The following CFDP1 variants were observed in gnomAD, a reference collection of about 807,000 sequenced individuals.
CFDP1 encodes the protein chromatin remodeling protein CFDP1, also known as heterochromatin-stabilizing protein CFDP1.
CFDP1 carries 31 observed loss-of-function variants against 40.1 expected under a neutral mutation model. The observed-to-expected ratio is 0.77, with a 90% CI of 0.58 to 1.04. The LOEUF (loss-of-function observed/expected upper bound fraction) is 1.04, where lower values mean the gene tolerates loss of function less well. Among genes scored for constraint, CFDP1 ranks in the 50% least tolerant of loss-of-function variants. The probability of loss-of-function intolerance (pLI) is 0.00; values close to 1 mark genes in which losing one functional copy is unlikely to be tolerated. For missense variants in CFDP1, 423 were observed against 343.4 expected (o/e 1.23, Z -1.83); for synonymous variants, 167 against 120.0 (o/e 1.39, Z -2.56).
chr16:75,332,870 C>T (rs1032728598), intron 5 of CFDP1, among the ~76,000 whole-genome samples: 1 of 146,652 alleles, frequency 6.8e-6, no homozygotes, highest in Non-Finnish European at 1.5e-5. Flanking sequence ...TACAGTGGCG[C>T]GATCCCAGCT....
At position 75,395,017 on chromosome 16, in the gene CFDP1, C is replaced by T. The variant is rs572331561; in HGVS notation, c.650+73G>A. On this transcript the variant is annotated intron_variant, in intron 5 of 6. Transcript: ENST00000283882. ...CTCAGGCAAGGAGTCTGATCTGCAG[C>T]GAAAGTAGGTATTTGCACTGAAAGC... The T allele has an allele frequency of 4.6e-5, 72 of 1,570,334 alleles. No individual in the cohort carries two copies. In the African/African-American group the frequency reaches 6.1e-4, roughly 13 times the overall value.
At chr16:75,373,428 G>T (rs2078768115) in intron 5 of CFDP1, among the ~76,000 whole-genome samples, 1 of 152,130 alleles carries the variant, frequency 6.6e-6, no homozygotes, top group Non-Finnish European at 1.5e-5. Flanking sequence ...AACTGGAGGA[G>T]AGGGAAGCTT....
intron 5 of CFDP1, among the ~76,000 whole-genome samples, chr16:75,363,942 A>AACACACACAC (rs10635711): frequency 0.056 from 7,981 of 142,844 alleles, 314 homozygotes; most frequent in Middle Eastern, 0.083. Flanking sequence ...AAAGAGGTGA[A>AACACACACAC]ACACACACAC....
chr16:75,399,320 G>C (rs2079027862), intron 4 of CFDP1, among the ~76,000 whole-genome samples: 1 of 152,186 alleles, frequency 6.6e-6, no homozygotes, highest in African/African-American at 2.4e-5. Flanking sequence ...TACTAAACTA[G>C]AAAGGGTACC....
chr16:75,398,300 C>T (rs763694628), intron 4 of CFDP1, among the ~76,000 whole-genome samples: 1 of 152,216 alleles, frequency 6.6e-6, no homozygotes, highest in Non-Finnish European at 1.5e-5. Flanking sequence ...AGCAGCAATG[C>T]TATAGAGAAC....
intron 5 of CFDP1, among the ~76,000 whole-genome samples, chr16:75,319,131 C>A (rs1334839801): frequency 6.6e-6 from 1 of 152,138 alleles, no homozygotes; most frequent in Non-Finnish European, 1.5e-5. Flanking sequence ...GCAACCTCTG[C>A]CTCCCGGGTT....
At position 75,293,912 on chromosome 16, in the gene CFDP1, T is replaced by G; in HGVS notation, c.*40A>C. On this transcript the variant is annotated 3_prime_UTR_variant, in exon 7 of 7. Coordinates refer to ENST00000283882, the MANE Select transcript of CFDP1 (RefSeq NM_006324.3). ...TCACAGACGCACAAAAAGCTCACAT[T>G]GTAAACAGGATTAAGCTGCTCTTGA... 1 of 1,523,116 alleles carries G rather than the reference T, an allele frequency of 6.6e-7. No individual in the cohort carries two copies. The highest frequency in any genetic ancestry group is 9.1e-7 in the Non-Finnish European group (1 of 1,098,240). The allele number at this position is 1,523,116 out of a possible 1,614,324, so 94.4% of individuals were successfully genotyped here. A position where few individuals can be genotyped will look rare whatever the true frequency, so the allele number is the denominator to read the frequency against.
At chr16:75,385,228 A>C (rs1344425443) in intron 5 of CFDP1, among the ~76,000 whole-genome samples, 3 of 152,064 alleles carry the variant, frequency 2.0e-5, no homozygotes, top group African/African-American at 7.2e-5. Context: ...TGAATGGAGA[A>C]TCTTGTGACT....
chr16:75,419,976 C>T (rs922678684), intron 1 of CFDP1, among the ~76,000 whole-genome samples: 1 of 151,846 alleles, frequency 6.6e-6, no homozygotes. Flanking sequence ...CTTTCTTGTT[C>T]GAGATCCAAG....
intron 5 of CFDP1, among the ~76,000 whole-genome samples, chr16:75,322,094 G>A (rs1342991610): frequency 6.6e-6 from 1 of 152,176 alleles, no homozygotes; most frequent in Non-Finnish European, 1.5e-5. Context: ...AAAGTGCTGG[G>A]GTTACAGGCG....
At chr16:75,403,593 A>G (rs901911452) in intron 4 of CFDP1, among the ~76,000 whole-genome samples, 1 of 152,216 alleles carries the variant, frequency 6.6e-6, no homozygotes, top group African/African-American at 2.4e-5. Context: ...TGAAGTTATA[A>G]ATAAATCTTT....
intron 1 of CFDP1, among the ~76,000 whole-genome samples, chr16:75,417,757 T>C (rs1482637532): frequency 1.3e-5 from 2 of 151,872 alleles, no homozygotes; most frequent in Non-Finnish European, 2.9e-5. Flanking sequence ...AAAGATCTAT[T>C]CCCAGGACTT....
At chr16:75,369,699 A>C (rs2078738730) in intron 5 of CFDP1, among the ~76,000 whole-genome samples, 2 of 152,218 alleles carry the variant, frequency 1.3e-5, no homozygotes, top group African/African-American at 4.8e-5. Flanking sequence ...TTAAGGAACC[A>C]GAGTTTCCAA....
chr16:75,328,921 A>G (rs2078424920), intron 5 of CFDP1, among the ~76,000 whole-genome samples: 1 of 147,780 alleles, frequency 6.8e-6, no homozygotes, highest in South Asian at 2.1e-4. Context: ...ACCTTGGCTC[A>G]CTGGAACCTC....
At chr16:75,393,045 T>C (rs928942126) in intron 5 of CFDP1, among the ~76,000 whole-genome samples, 1 of 152,200 alleles carries the variant, frequency 6.6e-6, no homozygotes, top group East Asian at 1.9e-4. Flanking sequence ...TGATACATGC[T>C]GAGAGCAGCA....
At chr16:75,303,283 T>C (rs1255943450) in intron 6 of CFDP1, among the ~76,000 whole-genome samples, 1 of 151,970 alleles carries the variant, frequency 6.6e-6, no homozygotes, top group Admixed American at 6.6e-5. Flanking sequence ...GGAGAATCGC[T>C]TGAACCCGGC....
chr16:75,423,567 A>T (rs953000891), intron 1 of CFDP1, among the ~76,000 whole-genome samples: 3 of 150,990 alleles, frequency 2.0e-5, no homozygotes, highest in South Asian at 2.1e-4. Context: ...CAGGCTGGAG[A>T]GCAGTGGTGC....
At chr16:75,392,913 G>C (rs929423832) in intron 5 of CFDP1, among the ~76,000 whole-genome samples, 1 of 152,156 alleles carries the variant, frequency 6.6e-6, no homozygotes, top group African/African-American at 2.4e-5. Context: ...TCCTCCATAG[G>C]TTTCTGTGTA....
rs78233762 is a variant in CFDP1 at position 75,409,003 on chromosome 16, G to A, written c.530+2822C>T. 3.3e-5 allele frequency among the ~76,000 whole-genome samples: 5 copies of A among 151,700 alleles called. No homozygotes were observed. The South Asian group carries it at 6.3e-4, about 19-fold the overall frequency. Reference sequence around the variant, plus strand: ...CTCCCAAGTAGCTAGGATTACAGACGTGCACCACCACACCTGGCTAATTTT... The same window carrying A: ...CTCCCAAGTAGCTAGGATTACAGACATGCACCACCACACCTGGCTAATTTT... On this transcript the variant is annotated intron_variant, in intron 4 of 6. Transcript: ENST00000283882.
Sources: gnomAD v4.1 joint callset for allele counts (sites outside exome capture counted in the v4.1 genomes callset) on GRCh38, gnomAD v4.1.1 for gene constraint, MANE v1.5 for transcripts, NCBI Gene and HGNC (gene_info 2026-07-23, HGNC 2026-07-21) for gene names.